Variants in PLPPR5 observed in about 807,000 individuals in gnomAD.
The protein encoded by PLPPR5 is phospholipid phosphatase-related protein type 5.
A neutral mutation model predicts 33.9 loss-of-function variants in PLPPR5; 16 were observed. The observed-to-expected ratio is 0.47, with a 90% CI of 0.32 to 0.72. The LOEUF is 0.72. Ranked by LOEUF, PLPPR5 falls within the 30% of genes least tolerant of loss-of-function variation. PLPPR5 has a pLI of 0.03. For missense variants in PLPPR5, 301 were observed against 406.7 expected (o/e 0.74, Z 2.23); for synonymous variants, 163 against 150.3 (o/e 1.08, Z -0.62).
At chr1:98,993,763 C>G (rs188482656) in intron 1 of PLPPR5, among the ~76,000 whole-genome samples, 4 of 152,058 alleles carry the variant, frequency 2.6e-5, no homozygotes, top group Admixed American at 2.6e-4. Flanking sequence ...GTAAAAAGTG[C>G]TTCTATGAAC....
chr1:98,998,160 C>T (rs4908219), intron 1 of PLPPR5, among the ~76,000 whole-genome samples: 1 of 151,884 alleles, frequency 6.6e-6, no homozygotes, highest in Non-Finnish European at 1.5e-5. Context: ...GGAGAAAAAT[C>T]AGTATGAGTG....
At chr1:98,919,434 C>T (rs1344573504) in intron 4 of PLPPR5, among the ~76,000 whole-genome samples, 4 of 152,114 alleles carry the variant, frequency 2.6e-5, no homozygotes, top group African/African-American at 9.7e-5. Flanking sequence ...GAATTCTGCA[C>T]ACACTGCAAG....
At chr1:98,951,189 TG>T (rs1475699155) in intron 3 of PLPPR5, among the ~76,000 whole-genome samples, 1 of 152,190 alleles carries the variant, frequency 6.6e-6, no homozygotes, top group Non-Finnish European at 1.5e-5. Flanking sequence ...AAAAGTACTT[TG>T]TGACTTCTGA....
At chr1:98,920,142 C>T (rs1042320224) in intron 4 of PLPPR5, among the ~76,000 whole-genome samples, 2 of 152,068 alleles carry the variant, frequency 1.3e-5, no homozygotes, top group Non-Finnish European at 2.9e-5. Context: ...GAGCTCAGCT[C>T]AACATTCACC....
intron 1 of PLPPR5, among the ~76,000 whole-genome samples, chr1:98,983,014 G>A (rs1345314175): frequency 6.6e-6 from 1 of 152,098 alleles, no homozygotes; most frequent in Non-Finnish European, 1.5e-5. Context: ...GGAGTCACTG[G>A]TAAGAGCTGC....
In PLPPR5 at chr1:98,900,470, G is replaced by A. The variant is rs565553513; in HGVS notation, c.934-7366C>T. Among the ~76,000 whole-genome samples the A allele has an allele frequency of 7.4e-4, 113 of 151,980 alleles. 1 individual carries two copies. The highest frequency in any genetic ancestry group is 2.4e-3 in the African/African-American group (98 of 41,442). The stretch of plus-strand genomic sequence containing the variant: ...GTTACAAAATTCTCTCTCTCCCCAC[G>A]AGACATATCATAGTGCTCTGTATTT... On this transcript the variant is annotated intron_variant, in intron 5 of 5. Coordinates refer to ENST00000263177, the MANE Select transcript of PLPPR5 (RefSeq NM_001037317.2).
upstream of PLPPR5, among the ~76,000 whole-genome samples, chr1:99,005,667 A>G (rs576635544): frequency 2.6e-5 from 4 of 152,090 alleles, no homozygotes; most frequent in Admixed American, 6.5e-5. Flanking sequence ...CCAGGGTAGG[A>G]AAAAGGACTA....
intron 1 of PLPPR5, among the ~76,000 whole-genome samples, chr1:98,963,670 G>A (rs1311546692): frequency 1.3e-5 from 2 of 152,112 alleles, no homozygotes; most frequent in African/African-American, 4.8e-5. Context: ...AGTTAAGATA[G>A]GTCAGTCCCT....
At chr1:98,951,424 G>T (rs1278179796) in intron 3 of PLPPR5, among the ~76,000 whole-genome samples, 4 of 152,186 alleles carry the variant, frequency 2.6e-5, no homozygotes, top group Admixed American at 6.5e-5. Flanking sequence ...CAGTGAGATG[G>T]CAAGGAGAGA....
intron 5 of PLPPR5, among the ~76,000 whole-genome samples, chr1:98,901,143 G>T (rs1648681296): frequency 6.6e-6 from 1 of 152,072 alleles, no homozygotes; most frequent in African/African-American, 2.4e-5. Flanking sequence ...ATACTACTCA[G>T]CAATTAAATG....
At chr1:99,000,483 C>T (rs192727591) in intron 1 of PLPPR5, among the ~76,000 whole-genome samples, 11 of 152,248 alleles carry the variant, frequency 7.2e-5, no homozygotes, top group East Asian at 5.8e-4. Flanking sequence ...CAGATGTATA[C>T]GCCATTTTCC....
At chr1:99,001,342 A>G (rs544086069) in intron 1 of PLPPR5, among the ~76,000 whole-genome samples, 146 of 151,640 alleles carry the variant, frequency 9.6e-4, no homozygotes, top group African/African-American at 3.5e-3. Context: ...TCACCATATT[A>G]GCCAGGATGG....
chr1:98,932,417 A>G (rs1650011612), intron 3 of PLPPR5, among the ~76,000 whole-genome samples: 1 of 152,214 alleles, frequency 6.6e-6, no homozygotes, highest in East Asian at 1.9e-4. Flanking sequence ...GCCCTGGCAC[A>G]GGGTCACTCA....
chr1:98,969,203 T>C (rs1651560242), intron 1 of PLPPR5, among the ~76,000 whole-genome samples: 1 of 149,124 alleles, frequency 6.7e-6, no homozygotes, highest in South Asian at 2.1e-4. Context: ...AAGTCTTCCT[T>C]TCTAGAGGAC....
intron 2 of PLPPR5, 103 bp downstream of exon 2, chr1:98,956,506 A>T: frequency 1.8e-6 from 2 of 1,134,576 alleles, no homozygotes; most frequent in Admixed American, 7.3e-5. Flanking sequence ...AAAGAAAAAA[A>T]CCCCTAATAT....
chr1:98,942,983 T>A (rs1029327733), intron 3 of PLPPR5, among the ~76,000 whole-genome samples: 2 of 152,220 alleles, frequency 1.3e-5, no homozygotes, highest in African/African-American at 4.8e-5. Context: ...AGCCAGGTGC[T>A]GGGCTTAACC....
chr1:98,895,514 G>C (rs1648440852), intron 5 of PLPPR5, among the ~76,000 whole-genome samples: 1 of 151,886 alleles, frequency 6.6e-6, no homozygotes, highest in Non-Finnish European at 1.5e-5. Context: ...ATTCAGTCTT[G>C]GCATTTAAAA....
chr1:98,980,849 T>C (rs531458376), intron 1 of PLPPR5, among the ~76,000 whole-genome samples: 2 of 152,208 alleles, frequency 1.3e-5, no homozygotes, highest in Admixed American at 6.6e-5. Context: ...TAATTCTATA[T>C]TTCCAACACA....
chr1:99,004,286 G>A (rs1652979962), intron 1 of PLPPR5, 149 bp downstream of exon 1: 2 of 680,498 alleles, frequency 2.9e-6, no homozygotes, highest in South Asian at 2.0e-5. Flanking sequence ...ACGCGCCCTA[G>A]AATGTCCTCT....
Sources: gnomAD v4.1 joint callset for allele counts (sites outside exome capture counted in the v4.1 genomes callset) on GRCh38, gnomAD v4.1.1 for gene constraint, MANE v1.5 for transcripts, NCBI Gene and HGNC (gene_info 2026-07-23, HGNC 2026-07-21) for gene names.